Variants in ZNF254 observed in about 807,000 individuals in gnomAD.
The protein encoded by ZNF254 is zinc finger protein 254.
ZNF254 carries 10 observed loss-of-function variants against 12.4 expected under a neutral mutation model. That is an observed-to-expected ratio of 0.80 (90% CI 0.50 to 1.36). The LOEUF is 1.36. ZNF254 is among the 40% of genes most tolerant of loss of function. ZNF254 has a pLI of 0.00. For synonymous variants in ZNF254, 305 were observed against 253.4 expected (o/e 1.20, Z -1.93); for missense variants, 996 against 763.9 (o/e 1.30, Z -3.58).
chr19:24,035,146 G>T (rs1246637172), intron 1 of ZNF254, among the ~76,000 whole-genome samples: 1 of 152,106 alleles, frequency 6.6e-6, no homozygotes, highest in Non-Finnish European at 1.5e-5. Flanking sequence ...TTACCCAGAA[G>T]TCAGCCTGGT....
intron 1 of ZNF254, among the ~76,000 whole-genome samples, chr19:24,045,264 C>A (rs553701169): frequency 2.6e-5 from 4 of 152,270 alleles, no homozygotes; most frequent in African/African-American, 7.2e-5. Flanking sequence ...TGGAACTGTT[C>A]ATTTTTTCTG....
chr19:24,071,084 A>G (rs187604826), intron 2 of ZNF254, among the ~76,000 whole-genome samples: 4 of 152,234 alleles, frequency 2.6e-5, no homozygotes, highest in African/African-American at 9.6e-5. Context: ...GGAAGGGAGA[A>G]GACAGAAAGA....
In ZNF254 at chr19:24,041,416, C is replaced by T. The variant is rs542472548; in HGVS notation, c.-189-4768C>T. Among the ~76,000 whole-genome samples the T allele has an allele frequency of 6.6e-5, 10 of 152,328 alleles. No homozygotes were observed. In the East Asian group the frequency reaches 1.9e-3, roughly 29 times the overall value. On this transcript the variant is annotated intron_variant, in intron 1 of 4. Transcript: ENST00000613065. The stretch of plus-strand genomic sequence containing the variant: ...TGGGCCCCACACTCGGAGCAGCCAG[C>T]CAGCCCTGCTGGCCCCGGGCAATGG...
At chr19:24,085,036 G>T (rs1216232816), upstream of ZNF254, among the ~76,000 whole-genome samples, 1 of 149,856 alleles carries the variant, frequency 6.7e-6, no homozygotes, top group African/African-American at 2.5e-5. Context: ...AGGTTCAAGC[G>T]ATTCTCCTGC....
intron 3 of ZNF254, among the ~76,000 whole-genome samples, chr19:24,117,783 G>A (rs1974198708): frequency 6.6e-6 from 1 of 151,954 alleles, no homozygotes; most frequent in African/African-American, 2.4e-5. Context: ...CCCGTCTTCT[G>A]CATCACTCAC....
chr19:24,095,271 C>T (rs1043533358), intron 1 of ZNF254, among the ~76,000 whole-genome samples: 3 of 152,054 alleles, frequency 2.0e-5, no homozygotes, highest in Non-Finnish European at 2.9e-5. Flanking sequence ...TTTTGATATG[C>T]TGCTGGATTT....
upstream of ZNF254, chr19:24,087,053 T>C (rs1219408170): frequency 4.3e-6 from 2 of 460,166 alleles, no homozygotes; most frequent in Non-Finnish European, 8.1e-6. Flanking sequence ...GCCTAGGGTG[T>C]GATCACATCT....
At chr19:24,087,373 G>A (rs779425882) in intron 1 of ZNF254, 36 bp downstream of exon 1, 6 of 1,612,762 alleles carry the variant, frequency 3.7e-6, no homozygotes, top group Admixed American at 1.7e-5. Flanking sequence ...AGAGAGGGGA[G>A]GGGGCTGGTT....
intron 2 of ZNF254, 98 bp downstream of exon 2, chr19:24,106,164 T>C: frequency 7.1e-7 from 1 of 1,414,996 alleles, no homozygotes; most frequent in Non-Finnish European, 9.4e-7. Flanking sequence ...ATTTCTGTTT[T>C]CAAGAAAATA....
rs1458359873 is a variant in ZNF254 at position 24,127,767 on chromosome 19, T to G, written c.1767T>G (p.Phe589Leu). 1 of 1,612,096 alleles carries G rather than the reference T, an allele frequency of 6.2e-7. No homozygotes were observed. Among genetic ancestry groups the G allele is most frequent in the African/African-American group, 1.3e-5 (1 of 74,718 alleles). Reference sequence around the variant, plus strand: ...AATCTTTTAACCGGTCTTCAACTTTTACTAAACATAAGGTAATTCATACTG... The same window carrying G: ...AATCTTTTAACCGGTCTTCAACTTTGACTAAACATAAGGTAATTCATACTG... ...CGKSFNRSST[F>L]TKHKVIHTGV... Residue 589 changes from phenylalanine (F) to leucine (L), a missense_variant, in exon 4 of 4, where the codon TTT (phenylalanine) becomes TTG (leucine). By Grantham distance (22) the Phe-to-Leu change is conservative. Transcript: ENST00000357002.
chr19:24,046,371 TTTTATATATATATATATA>T (rs889880394), intron 2 of ZNF254: 15 of 51,400 alleles, frequency 2.9e-4, no homozygotes, highest in African/African-American at 9.4e-4. Context: ...TTTTATTATT[TTTTATATATATATATATA>T]TATATATATA....
At position 24,127,863 on chromosome 19, in the gene ZNF254, G is replaced by A. The variant is rs1975009414; in HGVS notation, c.1863G>A (p.Lys621=). ...GGTCCTCAACCCTAACTAAACATAAGAGAATTCATACTGGAGAGCAACCCT... is the reference window on the plus strand; with the variant it reads ...GGTCCTCAACCCTAACTAAACATAAAAGAATTCATACTGGAGAGCAACCCT... The part of the protein sequence containing the change: ...FFWSSTLTKH[K]RIHTGEQPYK... The change falls in exon 4 of 4, where the codon AAG becomes AAA. Residue 621 remains lysine (K), a synonymous_variant. Coordinates refer to ENST00000357002, the MANE Select transcript of ZNF254 (RefSeq NM_203282.4). 2 of 1,613,262 alleles carry A rather than the reference G, an allele frequency of 1.2e-6. No homozygotes were observed. The highest frequency in any genetic ancestry group is 1.7e-6 in the Non-Finnish European group (2 of 1,179,756).
intron 2 of ZNF254, among the ~76,000 whole-genome samples, chr19:24,067,419 G>T (rs1246144478): frequency 6.6e-6 from 1 of 151,828 alleles, no homozygotes; most frequent in Non-Finnish European, 1.5e-5. Flanking sequence ...TTCTGGAGCA[G>T]TCCACAGTAG....
chr19:24,062,425 C>T (rs1317670198), intron 2 of ZNF254, among the ~76,000 whole-genome samples: 1 of 152,132 alleles, frequency 6.6e-6, no homozygotes, highest in Non-Finnish European at 1.5e-5. Flanking sequence ...AAACCCAGCT[C>T]ATAGTGGTGA....
In ZNF254 at chr19:24,046,387, A is replaced by ATATATATATATATATG. The variant is rs1291244719; in HGVS notation, c.-94+121_-94+122insATGTATATATATATAT. On this transcript the variant is annotated intron_variant, in intron 2 of 4. Transcript: ENST00000613065. ...TTTATTATTTTTTATATATATATATATATATATATATATGTGCAGATCTGT... is the reference window on the plus strand; with the variant it reads ...TTTATTATTTTTTATATATATATATATATATATATATATATGTATATATATATATGTGCAGATCTGT... 1.2e-3 allele frequency: 117 copies of ATATATATATATATATG among 100,046 alleles called. 2 individuals are homozygous for ATATATATATATATATG. The highest frequency in any genetic ancestry group is 3.9e-3 in the African/African-American group (113 of 29,194). The allele number at this position is 100,046 out of a possible 1,614,324, so 6.2% of individuals were successfully genotyped here.
chr19:24,123,497 G>A (rs1461085878), intron 3 of ZNF254, among the ~76,000 whole-genome samples: 3 of 151,982 alleles, frequency 2.0e-5, no homozygotes, highest in Non-Finnish European at 4.4e-5. Context: ...AGAAAGTGTG[G>A]TATTAAAATA....
chr19:24,101,812 A>C (rs1195596764), intron 1 of ZNF254, among the ~76,000 whole-genome samples: 1 of 152,168 alleles, frequency 6.6e-6, no homozygotes, highest in Non-Finnish European at 1.5e-5. Flanking sequence ...CCAGAACAGA[A>C]TTGTGTCAGG....
intron 2 of ZNF254, among the ~76,000 whole-genome samples, chr19:24,060,616 C>G (rs747770221): frequency 7.2e-5 from 11 of 152,118 alleles, no homozygotes; most frequent in Non-Finnish European, 1.0e-4. Flanking sequence ...CTGGTCCATG[C>G]ACACAAAAAA....
chr19:24,076,351 C>T (rs1971658953), intron 2 of ZNF254, among the ~76,000 whole-genome samples: 1 of 152,216 alleles, frequency 6.6e-6, no homozygotes, highest in Admixed American at 6.5e-5. Flanking sequence ...CGGCTTCAGC[C>T]AGTCCCTCCG....
Sources: allele counts gnomAD v4.1 joint callset (sites outside exome capture counted in the v4.1 genomes callset), GRCh38; gene constraint gnomAD v4.1.1; transcripts MANE v1.5; gene names NCBI Gene and HGNC (gene_info 2026-07-23, HGNC 2026-07-21).